DNAH9: variants seen among roughly 807,000 people sequenced by gnomAD.
DNAH9 encodes the protein dynein axonemal heavy chain 9, also known as DNAH9 variant protein.
A neutral mutation model predicts 471.6 loss-of-function variants in DNAH9; 345 were observed. The ratio of observed to expected loss-of-function variants is 0.73; its 90% CI spans 0.67 to 0.80. DNAH9 has a LOEUF of 0.80. Among genes scored for constraint, DNAH9 ranks in the 30% least tolerant of loss-of-function variants. DNAH9 has a pLI of 0.00. For missense variants in DNAH9, 5,407 were observed against 5,609.2 expected (o/e 0.96, Z 1.15); for synonymous variants, 2,093 against 2,123.6 (o/e 0.99, Z 0.40).
intron 61 of DNAH9, among the ~76,000 whole-genome samples, chr17:11,916,747 G>A (rs377052542): frequency 1.7e-4 from 26 of 152,050 alleles, no homozygotes; most frequent in African/African-American, 5.1e-4. Context: ...CTTCATTTAC[G>A]TATTCTTTTG....
At position 11,617,400 on chromosome 17, in the gene DNAH9, A is replaced by G. The variant is rs1477202434; in HGVS notation, c.905-11A>G. 7 of 1,607,594 alleles carry G rather than the reference A, an allele frequency of 4.4e-6. No individual in the cohort carries two copies. The highest frequency in any genetic ancestry group is 1.3e-5 in the African/African-American group (1 of 74,752). ...CAGATGGGAATGCTGACCATCTCCAATTCCTTCCAGCTCTAGCAGAGGCAC... is the reference window on the plus strand; with the variant it reads ...CAGATGGGAATGCTGACCATCTCCAGTTCCTTCCAGCTCTAGCAGAGGCAC... On this transcript the variant is annotated splice_polypyrimidine_tract_variant and intron_variant, in intron 4 of 68. Transcript: ENST00000262442.
chr17:11,872,198 C>T (rs1972292796), intron 52 of DNAH9, among the ~76,000 whole-genome samples: 1 of 152,134 alleles, frequency 6.6e-6, no homozygotes, highest in South Asian at 2.1e-4. Context: ...TGTTACTGGG[C>T]CCTAAAGCTA....
At chr17:11,922,625 A>G (rs1415669580) in intron 61 of DNAH9, among the ~76,000 whole-genome samples, 1 of 152,190 alleles carries the variant, frequency 6.6e-6, no homozygotes, top group Non-Finnish European at 1.5e-5. Context: ...CAACCCTTAT[A>G]TACATCCAAC....
chr17:11,883,635 T>C lies in DNAH9; in HGVS notation c.10856T>C (p.Leu3619Ser). ...GGATTCAAAATTACCCTGAAAACGT[T>C]GGAAGACAGTCTTCTCTCTCGCCTC... ...QNGFKITLKTLEDSLLSRLSS... is the reference protein window; with the variant it reads ...QNGFKITLKTSEDSLLSRLSS... Residue 3619 changes from leucine to serine, a missense_variant, in exon 56 of 69, where the codon TTG becomes TCG. Transcript: ENST00000262442. 1 of 1,614,168 alleles carries C rather than the reference T, an allele frequency of 6.2e-7. No individual in the cohort carries two copies. Among genetic ancestry groups the C allele is most frequent in the Non-Finnish European group, 8.5e-7 (1 of 1,180,016 alleles).
Position 11,896,756 on chromosome 17 carries a change from A to T in DNAH9, c.11406+2260A>T, listed in dbSNP as rs539644675. ...AAATATAATGCAAACCACTTAAGTA[A>T]TTTTAAATTTTCTATAGCTGCATTA... On this transcript the variant is annotated intron_variant, in intron 59 of 68. Coordinates refer to ENST00000262442, the MANE Select transcript of DNAH9 (RefSeq NM_001372.4). Among the ~76,000 whole-genome samples the T allele has an allele frequency of 2.6e-5, 4 of 152,342 alleles. No homozygotes were observed. In the East Asian group the frequency reaches 7.7e-4, roughly 29 times the overall value.
chr17:11,721,696 G>A (rs1321581390), intron 27 of DNAH9, among the ~76,000 whole-genome samples: 1 of 152,086 alleles, frequency 6.6e-6, no homozygotes, highest in Non-Finnish European at 1.5e-5. Flanking sequence ...ATGAATGATT[G>A]ATGAGAGAGA....
At chr17:11,927,607 T>C (rs895895278) in intron 62 of DNAH9, among the ~76,000 whole-genome samples, 7 of 152,206 alleles carry the variant, frequency 4.6e-5, no homozygotes. Flanking sequence ...ATCTAACATC[T>C]TTTAACATCC....
At chr17:11,739,098 C>A in intron 29 of DNAH9, 61 bp downstream of exon 29, 1 of 1,464,450 alleles carries the variant, frequency 6.8e-7, no homozygotes, top group Non-Finnish European at 9.2e-7. Flanking sequence ...CATTTTTCCA[C>A]TTAAAATGTG....
At chr17:11,709,646 G>A (rs1022408634) in intron 26 of DNAH9, among the ~76,000 whole-genome samples, 1 of 152,138 alleles carries the variant, frequency 6.6e-6, no homozygotes, top group African/African-American at 2.4e-5. Context: ...AGGTGCGATG[G>A]TTCAGTCCTT....
chr17:11,653,373 A>G (rs1178161935), intron 14 of DNAH9, among the ~76,000 whole-genome samples: 2 of 152,178 alleles, frequency 1.3e-5, no homozygotes, highest in Non-Finnish European at 2.9e-5. Flanking sequence ...CTCCAGCATC[A>G]TCCTTATAAC....
chr17:11,851,710 C>T (rs1301682366), intron 49 of DNAH9, among the ~76,000 whole-genome samples: 1 of 152,136 alleles, frequency 6.6e-6, no homozygotes, highest in African/African-American at 2.4e-5. Flanking sequence ...AATGGGATTC[C>T]ACTCATCATA....
At position 11,679,856 on chromosome 17, in the gene DNAH9, C is replaced by T. The variant is rs2074104667; in HGVS notation, c.3453C>T (p.His1151=). 1 of 1,613,894 alleles carries T rather than the reference C, an allele frequency of 6.2e-7. No homozygotes were observed. The highest frequency in any genetic ancestry group is 1.7e-5 in the Admixed American group (1 of 59,992). ...AAGGCTTGGTTGAGATCATGGGACA[C>T]CTTATGGCTGTTAAAGAACGGCAGA... The part of the protein sequence containing the change: ...DFQGLVEIMG[H]LMAVKERQSN... Residue 1151 remains histidine, a synonymous_variant, in exon 18 of 69, where the codon CAC becomes CAT. Transcript: ENST00000262442.
intron 15 of DNAH9, 83 bp from the exon 16 acceptor site, chr17:11,668,981 C>A: frequency 2.1e-6 from 2 of 962,810 alleles, no homozygotes; most frequent in Non-Finnish European, 3.2e-6. Context: ...AAAAGCATTG[C>A]TCTGGGTGCT....
At chr17:11,722,822 AT>A (rs1266930533) in intron 27 of DNAH9, among the ~76,000 whole-genome samples, 1 of 152,164 alleles carries the variant, frequency 6.6e-6, no homozygotes, top group African/African-American at 2.4e-5. Context: ...AACATCCTTT[AT>A]ATTATAGCTG....
chr17:11,700,907 A>C (rs1365769415), intron 23 of DNAH9, among the ~76,000 whole-genome samples: 1 of 152,134 alleles, frequency 6.6e-6, no homozygotes, highest in African/African-American at 2.4e-5. Context: ...CCAAATGCAC[A>C]CATCAGCCTG....
chr17:11,755,340 T>C lies in DNAH9; in HGVS notation c.6739-1228T>C, dbSNP rs149680504. Among the ~76,000 whole-genome samples the C allele has an allele frequency of 6.7e-3, 1,025 of 152,308 alleles. 15 individuals carry two copies. Among genetic ancestry groups the C allele is most frequent in the African/African-American group, 0.023 (972 of 41,548 alleles). ...GGTTCCATATGAATTTTAAAATAGT[T>C]TTTTCTAGTTCTGTGAAGAATGTCA... On this transcript the variant is annotated intron_variant, in intron 33 of 68. Transcript: ENST00000262442.
At chr17:11,619,483 G>A (rs1197577518) in intron 5 of DNAH9, 65 bp from the exon 6 acceptor site, 1 of 859,774 alleles carries the variant, frequency 1.2e-6, no homozygotes, top group African/African-American at 1.7e-5. Flanking sequence ...TCAGTTCAGA[G>A]TTGGTGTTGC....
intron 43 of DNAH9, among the ~76,000 whole-genome samples, chr17:11,804,471 A>G (rs2150921320): frequency 6.6e-6 from 1 of 152,366 alleles, no homozygotes; most frequent in East Asian, 1.9e-4. Context: ...AATGGGCATG[A>G]ACAGAAAGTT....
At chr17:11,925,404 G>T in intron 62 of DNAH9, 1 of 303,274 alleles carries the variant, frequency 3.3e-6, no homozygotes, top group Non-Finnish European at 6.6e-6. Context: ...TTATTTATTT[G>T]GAGCCTAGCA....
Sources: gnomAD v4.1 joint callset for allele counts (sites outside exome capture counted in the v4.1 genomes callset) on GRCh38, gnomAD v4.1.1 for gene constraint, MANE v1.5 for transcripts, NCBI Gene and HGNC (gene_info 2026-07-23, HGNC 2026-07-21) for gene names.